UBTF: variants seen among roughly 807,000 people sequenced by gnomAD.
The protein encoded by UBTF is upstream binding transcription factor.
Under a neutral mutation model 112.3 loss-of-function variants are expected in UBTF, and 8 were observed. That is an observed-to-expected ratio of 0.07 (90% CI 0.04 to 0.13). The LOEUF (loss-of-function observed/expected upper bound fraction) is 0.13, where lower values mean the gene tolerates loss of function less well. UBTF is among the 10% of genes least tolerant of loss of function. The probability of loss-of-function intolerance (pLI) is 1.00; values close to 1 mark genes in which losing one functional copy is unlikely to be tolerated. For synonymous variants in UBTF, 417 were observed against 373.1 expected, an observed-to-expected ratio of 1.12 and a Z score of -1.36; for missense variants, 457 against 982.1, an observed-to-expected ratio of 0.47 and a Z score of 7.15.
rs879430760 is a variant in UBTF at position 44,209,235 on chromosome 17, T to A, written c.1905+117A>T. The A allele has an allele frequency of 2.9e-5, 30 of 1,045,954 alleles. No homozygotes were observed. In the African/African-American group the frequency reaches 4.5e-4, roughly 16 times the overall value. 64.8% of individuals were successfully genotyped at this position (1,045,954 alleles called of 1,614,324 possible). ...GTTATCCTGAAGGATTGCGAGGGCA[T>A]GGAATGAAATCATGAATGAGACCAG... is the stretch of plus-strand genomic sequence containing the variant. On this transcript the variant is annotated intron_variant, in intron 17 of 20. Transcript: ENST00000436088.
chr17:44,209,139 A>G (rs779712676), intron 17 of UBTF: 2 of 475,266 alleles, frequency 4.2e-6, no homozygotes, highest in Non-Finnish European at 7.2e-6. Flanking sequence ...ACTGTACTCC[A>G]GCCTGGGCAG....
rs772681455 is a variant in UBTF at position 44,211,627 on chromosome 17, G to A, written c.1026C>T (p.Ala342=). 10 of 1,611,634 alleles carry A rather than the reference G, an allele frequency of 6.2e-6. No individual in the cohort carries two copies. The highest frequency in any genetic ancestry group is 8.5e-6 in the Non-Finnish European group (10 of 1,179,912). The change falls in exon 10 of 21, where the codon GCC becomes GCT. Residue 342 remains alanine, a synonymous_variant. Coordinates refer to ENST00000436088, the MANE Select transcript of UBTF (RefSeq NM_014233.4). This position sits in a 1 kb window ranked among gnomAD's most constrained non-coding sequence, Gnocchi z 4.9. Reference sequence around the variant, plus strand: ...TCACCTGATCACACTTCTTGTGATAGGCGTCCTTCTCCTTCTGGGACAGCA... The same window carrying A: ...TCACCTGATCACACTTCTTGTGATAAGCGTCCTTCTCCTTCTGGGACAGCA... ...WKLLSQKEKD[A]YHKKCDQKKK...
rs774085467 is a variant in UBTF, at chr17:44,216,559, G to A, written c.204C>T (p.Cys68=). 6.2e-7 allele frequency: 1 copy of A among 1,614,230 alleles called. No individual in the cohort carries two copies. Among genetic ancestry groups the A allele is most frequent in the Non-Finnish European group, 8.5e-7 (1 of 1,180,050 alleles). Residue 68 remains cysteine, a synonymous_variant, in exon 3 of 21, where the codon TGC becomes TGT. Transcript: ENST00000436088. ...TAGAAATCTCCACCCATTTGAGCTT[G>A]CACATGTCTCCAGAAAAGTCTTTAA... The part of the protein sequence containing the change: ...VAFKDFSGDM[C]KLKWVEISNE...
intron 2 of UBTF, among the ~76,000 whole-genome samples, chr17:44,217,675 T>C (rs1156342669): frequency 6.6e-6 from 1 of 152,120 alleles, no homozygotes; most frequent in Non-Finnish European, 1.5e-5. Context: ...CTACTCTCTA[T>C]CCCCATCTAG....
chr17:44,213,885 C>G (rs931182740), intron 5 of UBTF, among the ~76,000 whole-genome samples: 1 of 152,154 alleles, frequency 6.6e-6, no homozygotes, highest in African/African-American at 2.4e-5. Context: ...TCTCTTTCTC[C>G]AGGATCCTGG....
chr17:44,210,604 G>A (rs765215766), intron 13 of UBTF, 131 bp from the exon 14 acceptor site: 2 of 1,387,228 alleles, frequency 1.4e-6, no homozygotes, highest in Non-Finnish European at 9.4e-7. Flanking sequence ...CCTGGGGCTC[G>A]CCCCCGCCTG....
chr17:44,209,309 C>G, intron 17 of UBTF, 43 bp downstream of exon 17: 1 of 1,547,634 alleles, frequency 6.5e-7, no homozygotes, highest in African/African-American at 1.4e-5. Context: ...CTGGCTTAGT[C>G]TGATGCCTCT....
chr17:44,207,814 C>T (rs1357150613), intron 18 of UBTF, 44 bp from the exon 19 acceptor site: 3 of 1,614,112 alleles, frequency 1.9e-6, no homozygotes, highest in Admixed American at 1.7e-5. Flanking sequence ...AGTTCGACAC[C>T]CCTGAATTCC....
intron 5 of UBTF, 39 bp from the exon 6 acceptor site, chr17:44,213,321 G>T: frequency 6.2e-7 from 1 of 1,600,480 alleles, no homozygotes; most frequent in South Asian, 1.1e-5. Context: ...AGGACCCAAG[G>T]GTATCTCACC....
intron 2 of UBTF, 75 bp from the exon 3 acceptor site, chr17:44,216,779 T>C (rs2046863973): frequency 6.8e-7 from 1 of 1,474,562 alleles, no homozygotes; most frequent in East Asian, 2.3e-5. Flanking sequence ...TCTTGAGTGC[T>C]CAACTCTTCC....
At position 44,210,791 on chromosome 17, in the gene UBTF, CCTT is replaced by C. The variant is rs1273318531; in HGVS notation, c.1357_1359del (p.Lys453del). On this transcript the variant is annotated inframe_deletion and splice_region_variant, in exon 13 of 21. Transcript: ENST00000436088. ...CACAGCGCTCCGCCAGGCAGCCTGA[CCTT>C]CTTCTTCTCAGACAGGTCGTTCCAC... The C allele has an allele frequency of 2.6e-6, 4 of 1,562,268 alleles. No individual in the cohort carries two copies. Among genetic ancestry groups the C allele is most frequent in the Non-Finnish European group, 3.5e-6 (4 of 1,152,572 alleles).
intron 3 of UBTF, 114 bp from the exon 4 acceptor site, chr17:44,216,103 AAAG>A (rs1292306638): frequency 1.0e-5 from 9 of 873,076 alleles, no homozygotes; most frequent in Admixed American, 4.6e-5. Context: ...TAAATTTACC[AAAG>A]AAGAGCAGAG....
Position 44,207,149 on chromosome 17 carries a change from G to T in UBTF, c.*93C>A, listed in dbSNP as rs752054456. On this transcript the variant is annotated 3_prime_UTR_variant, in exon 21 of 21. Coordinates refer to ENST00000436088, the MANE Select transcript of UBTF (RefSeq NM_014233.4). The stretch of plus-strand genomic sequence containing the variant: ...AAAGAAAGTGGGGGAGGCCAGGGGG[G>T]CAAGGGACAGAACATGGGGGAGAAA... The T allele has an allele frequency of 7.1e-7, 1 of 1,406,892 alleles. No homozygotes were observed. Among genetic ancestry groups the T allele is most frequent in the Non-Finnish European group, 9.8e-7 (1 of 1,022,896 alleles). The allele number at this position is 1,406,892 out of a possible 1,614,324, so 87.2% of individuals were successfully genotyped here. A position where few individuals can be genotyped will look rare whatever the true frequency, so the allele number is the denominator to read the frequency against.
At chr17:44,212,739 C>T (rs973824830) in intron 7 of UBTF, 80 bp downstream of exon 7, 33 of 1,582,600 alleles carry the variant, frequency 2.1e-5, no homozygotes, top group East Asian at 1.6e-4. Context: ...TCCCCTGCAC[C>T]GTGCCCGGCC....
chr17:44,209,325 C>G, intron 17 of UBTF, 27 bp downstream of exon 17: 1 of 1,564,468 alleles, frequency 6.4e-7, no homozygotes, highest in Non-Finnish European at 8.7e-7. Context: ...CCTCTCTGTT[C>G]CTTCCAAGGG....
At position 44,210,594 on chromosome 17, in the gene UBTF, C is replaced by T. The variant is rs535776679; in HGVS notation, c.1360-121G>A. The stretch of plus-strand genomic sequence containing the variant: ...CATGGGCTGGTGCAGATGTCTCCCG[C>T]CTGGGGCTCGCCCCCGCCTGGTCTG... On this transcript the variant is annotated intron_variant, in intron 13 of 20. Transcript: ENST00000436088. 5.6e-5 allele frequency: 78 copies of T among 1,404,902 alleles called. No individual in the cohort carries two copies. The African/African-American group carries it at 1.1e-3, about 20-fold the overall frequency. The allele number at this position is 1,404,902 out of a possible 1,614,324, so 87.0% of individuals were successfully genotyped here. A position where few individuals can be genotyped will look rare whatever the true frequency, so the allele number is the denominator to read the frequency against.
chr17:44,216,209 G>A (rs2046838936), intron 3 of UBTF: 2 of 605,348 alleles, frequency 3.3e-6, no homozygotes, highest in Admixed American at 5.9e-5. Flanking sequence ...CCAAAGGCCA[G>A]CAACAAGGGG....
intron 13 of UBTF, 107 bp downstream of exon 13, chr17:44,210,685 C>A (rs1263115569): frequency 6.8e-7 from 1 of 1,472,360 alleles, no homozygotes; most frequent in Admixed American, 2.2e-5. Context: ...CCAGCCCAGG[C>A]ACCGCGTGGC....
At chr17:44,217,754 C>T (rs2046918538) in intron 2 of UBTF, among the ~76,000 whole-genome samples, 1 of 152,166 alleles carries the variant, frequency 6.6e-6, no homozygotes, top group Non-Finnish European at 1.5e-5. Flanking sequence ...GGGCCTAAAA[C>T]CACCAAAACA....
Sources: gnomAD v4.1 joint callset for allele counts (sites outside exome capture counted in the v4.1 genomes callset) on GRCh38, gnomAD v4.1.1 for gene constraint, Gnocchi (gnomAD v3.1) non-coding constraint, MANE v1.5 for transcripts, NCBI Gene and HGNC (gene_info 2026-07-23, HGNC 2026-07-21) for gene names.